The following DCC variants were observed in gnomAD, a reference collection of about 807,000 sequenced individuals.
The protein encoded by DCC is netrin receptor DCC.
DCC carries 58 observed loss-of-function variants against 172.5 expected under a neutral mutation model. That is an observed-to-expected ratio of 0.34 (90% CI 0.27 to 0.42). The LOEUF (loss-of-function observed/expected upper bound fraction) is 0.42, where lower values mean the gene tolerates loss of function less well. Among genes scored for constraint, DCC ranks in the 10% least tolerant of loss-of-function variants. The probability of loss-of-function intolerance (pLI) is 1.00; values close to 1 mark genes in which losing one functional copy is unlikely to be tolerated. For synonymous variants in DCC, 709 were observed against 644.5 expected (o/e 1.10, Z -1.52); for missense variants, 1,740 against 1,791.0 (o/e 0.97, Z 0.51).
At chr18:52,511,520 G>A (rs1413912728) in intron 1 of DCC, among the ~76,000 whole-genome samples, 1 of 152,088 alleles carries the variant, frequency 6.6e-6, no homozygotes, top group Non-Finnish European at 1.5e-5. Flanking sequence ...AGGGACAGTT[G>A]GCAATTTCTA....
chr18:52,555,434 A>G (rs1273413478), intron 1 of DCC, among the ~76,000 whole-genome samples: 2 of 152,220 alleles, frequency 1.3e-5, no homozygotes, highest in African/African-American at 2.4e-5. Context: ...ATGTTTCCTA[A>G]TTTAGTGAAT....
intron 1 of DCC, among the ~76,000 whole-genome samples, chr18:52,516,163 C>T (rs1168347477): frequency 6.6e-6 from 1 of 152,026 alleles, no homozygotes; most frequent in Non-Finnish European, 1.5e-5. Flanking sequence ...AATGGTACAG[C>T]CACTCTGAAA....
intron 3 of DCC, among the ~76,000 whole-genome samples, chr18:52,906,771 A>G (rs534667195): frequency 6.6e-6 from 1 of 152,022 alleles, no homozygotes; most frequent in Admixed American, 6.6e-5. Flanking sequence ...ACATATAGAT[A>G]TATATATGTA....
At chr18:52,577,011 CA>C (rs1409893844) in intron 1 of DCC, among the ~76,000 whole-genome samples, 1 of 152,012 alleles carries the variant, frequency 6.6e-6, no homozygotes, top group Non-Finnish European at 1.5e-5. Context: ...GGTAATTTAT[CA>C]ACATAGTCAA....
Position 53,267,845 on chromosome 18 carries a change from T to C in DCC, c.1912-37733T>C, listed in dbSNP as rs566861078. Reference sequence around the variant, plus strand: ...CAAGTTGAGTAGACATAAATACTTTTAGGTTTGTGAATAGCAGGTTTCCAA... The same window carrying C: ...CAAGTTGAGTAGACATAAATACTTTCAGGTTTGTGAATAGCAGGTTTCCAA... On this transcript the variant is annotated intron_variant, in intron 12 of 28. Transcript: ENST00000442544. Among the ~76,000 whole-genome samples, 4 of 152,348 alleles carry C rather than the reference T, an allele frequency of 2.6e-5. No homozygotes were observed. In the East Asian group the frequency reaches 7.7e-4, roughly 29 times the overall value.
At chr18:52,968,635 A>T (rs752630981) in intron 5 of DCC, among the ~76,000 whole-genome samples, 2 of 152,198 alleles carry the variant, frequency 1.3e-5, no homozygotes, top group Non-Finnish European at 2.9e-5. Context: ...TGGAAACTAG[A>T]TTCAAACAAC....
chr18:52,787,175 A>G (rs1316095333), intron 2 of DCC, among the ~76,000 whole-genome samples: 1 of 152,166 alleles, frequency 6.6e-6, no homozygotes, highest in African/African-American at 2.4e-5. Context: ...GGTTGCTTTA[A>G]CTTTCTGAGT....
At chr18:53,490,563 C>T (rs992343090) in intron 26 of DCC, among the ~76,000 whole-genome samples, 1 of 152,116 alleles carries the variant, frequency 6.6e-6, no homozygotes, top group South Asian at 2.1e-4. Flanking sequence ...ACAACAAGTG[C>T]CTTGCTAGCA....
At chr18:52,859,505 A>G (rs866635790) in intron 2 of DCC, among the ~76,000 whole-genome samples, 3 of 152,370 alleles carry the variant, frequency 2.0e-5, no homozygotes, top group African/African-American at 7.2e-5. Context: ...AATAGGCTAT[A>G]GTGGTAAAAC....
chr18:52,362,688 A>G (rs1598862491), intron 1 of DCC, among the ~76,000 whole-genome samples: 1 of 152,298 alleles, frequency 6.6e-6, no homozygotes, highest in East Asian at 1.9e-4. Context: ...ACTTTGGAAT[A>G]TTAAATATTG....
rs140511069 is a variant in DCC, at chr18:53,077,006, C to T, written c.1261+10840C>T. Reference sequence around the variant, plus strand: ...TTGGATGCTGGCTGATGTCAACAGGCTGAATTGTTCCATCTACATAATTGC... The same window carrying T: ...TTGGATGCTGGCTGATGTCAACAGGTTGAATTGTTCCATCTACATAATTGC... On this transcript the variant is annotated intron_variant, in intron 7 of 28. Coordinates refer to ENST00000442544, the MANE Select transcript of DCC (RefSeq NM_005215.4). Among the ~76,000 whole-genome samples, 21 of 152,242 alleles carry T rather than the reference C, an allele frequency of 1.4e-4. 1 individual carries two copies. The highest frequency in any genetic ancestry group is 5.1e-4 in the African/African-American group (21 of 41,550).
chr18:53,442,503 C>G (rs142450951), intron 22 of DCC, among the ~76,000 whole-genome samples: 163 of 152,288 alleles, frequency 1.1e-3, no homozygotes, highest in African/African-American at 3.9e-3. Flanking sequence ...CAGCCTGTCT[C>G]TCTCCCCCTT....
At chr18:52,904,612 T>G (rs946018577) in intron 2 of DCC, among the ~76,000 whole-genome samples, 4 of 152,188 alleles carry the variant, frequency 2.6e-5, no homozygotes, top group African/African-American at 9.6e-5. Flanking sequence ...GAATTTTGTT[T>G]ACTGAAGATT....
intron 13 of DCC, among the ~76,000 whole-genome samples, chr18:53,318,883 A>G (rs952310836): frequency 1.5e-4 from 23 of 152,108 alleles, no homozygotes; most frequent in African/African-American, 5.6e-4. Flanking sequence ...TTATCCACAA[A>G]GGGAAGCCCA....
chr18:53,338,183 G>A (rs571332191), intron 14 of DCC, among the ~76,000 whole-genome samples: 1 of 152,242 alleles, frequency 6.6e-6, no homozygotes, highest in South Asian at 2.1e-4. Flanking sequence ...CTTTTTACTT[G>A]CCTGTTTCTC....
At chr18:52,715,795 C>T (rs777157603) in intron 1 of DCC, among the ~76,000 whole-genome samples, 5 of 152,160 alleles carry the variant, frequency 3.3e-5, no homozygotes, top group Non-Finnish European at 7.4e-5. Context: ...CCACCCCTGT[C>T]ACCCACTGAC....
At chr18:53,449,824 TGCCATCA>T (rs2045385171) in intron 22 of DCC, among the ~76,000 whole-genome samples, 2 of 152,178 alleles carry the variant, frequency 1.3e-5, no homozygotes, top group Non-Finnish European at 2.9e-5. Context: ...AAGCTTGGGC[TGCCATCA>T]CTGCTATTTA....
At position 52,907,428 on chromosome 18, in the gene DCC, T is replaced by A. The variant is rs1292415654; in HGVS notation, c.697+1100T>A. ...ACATCATATCATTCATATATACATA[T>A]TTTTTTTAGACTAGGGTCTTACTCT... On this transcript the variant is annotated intron_variant, in intron 3 of 28. Coordinates refer to ENST00000442544, the MANE Select transcript of DCC (RefSeq NM_005215.4). Among the ~76,000 whole-genome samples, 4 of 150,940 alleles carry A rather than the reference T, an allele frequency of 2.7e-5. No individual in the cohort carries two copies. In the East Asian group the frequency reaches 7.8e-4, roughly 30 times the overall value.
chr18:53,476,209 G>C (rs141679026), intron 25 of DCC, among the ~76,000 whole-genome samples: 13 of 152,144 alleles, frequency 8.5e-5, no homozygotes, highest in African/African-American at 3.1e-4. Flanking sequence ...ATGAGATGTC[G>C]GGCTGTGGAC....
Sources: gnomAD v4.1 joint callset for allele counts (sites outside exome capture counted in the v4.1 genomes callset) on GRCh38, gnomAD v4.1.1 for gene constraint, MANE v1.5 for transcripts, NCBI Gene and HGNC (gene_info 2026-07-23, HGNC 2026-07-21) for gene names.